LPA: variants seen among roughly 807,000 people sequenced by gnomAD.
LPA encodes apolipoprotein(a).
LPA carries 199 observed loss-of-function variants against 197.9 expected under a neutral mutation model. That is an observed-to-expected ratio of 1.01 (90% CI 0.90 to 1.13). The LOEUF (loss-of-function observed/expected upper bound fraction) is 1.13. LPA is among the 50% of genes most tolerant of loss of function. The pLI is 0.00. For synonymous variants in LPA, 715 were observed against 639.5 expected (o/e 1.12, Z -1.78); for missense variants, 1,853 against 1,785.8 (o/e 1.04, Z -0.68).
Position 160,599,554 on chromosome 6 carries a change from C to A in LPA, c.3233G>T (p.Trp1078Leu), listed in dbSNP as rs1326328864. 1 of 1,613,926 alleles carries A rather than the reference C, an allele frequency of 6.2e-7. No individual in the cohort carries two copies. The highest frequency in any genetic ancestry group is 8.5e-7 in the Non-Finnish European group (1 of 1,179,974). The change falls in exon 20 of 39, where the codon TGG (tryptophan) becomes TTG (leucine). Residue 1078 changes from tryptophan (W) to leucine (L), a missense_variant. Trp to Leu is a moderately conservative substitution (Grantham distance 61). Transcript: ENST00000316300. ...ATGCTGGTGTGGTGTCATAGATGAC[C>A]AAGCTTGGCAAGTTCTTCCTGTGAC... The part of the protein sequence containing the change: ...TTVTGRTCQA[W>L]SSMTPHQHSR...
chr6:160,595,262 G>T (rs1199008338), intron 21 of LPA, 92 bp downstream of exon 21: 1 of 1,483,428 alleles, frequency 6.7e-7, no homozygotes, highest in Non-Finnish European at 9.3e-7. Flanking sequence ...TTGGAATTGT[G>T]TGAGCATGGA....
chr6:160,594,011 C>T lies in LPA; in HGVS notation c.3576G>A (p.Trp1192Ter). ...GATGCCAGTGTGGTGTCATAGAGGA[C>T]CAAGACTGACATGTCCTTCCTGTGA... is the stretch of plus-strand genomic sequence containing the variant. ...TTVTGRTCQS[W>*]SSMTPHWHQR... Residue 1192 changes from tryptophan to a stop codon, truncating the protein, a stop_gained, in exon 22 of 39, where the codon TGG becomes TGA. Coordinates refer to ENST00000316300, the MANE Select transcript of LPA (RefSeq NM_005577.4). LOFTEE classifies it high-confidence loss of function. 6.2e-7 allele frequency: 1 copy of T among 1,613,924 alleles called. No individual in the cohort carries two copies. The highest frequency in any genetic ancestry group is 8.5e-7 in the Non-Finnish European group (1 of 1,179,878).
At chr6:160,569,766 G>T (rs897284063) in intron 28 of LPA, among the ~76,000 whole-genome samples, 2 of 151,928 alleles carry the variant, frequency 1.3e-5, no homozygotes, top group Admixed American at 6.6e-5. Context: ...AATCTACAAA[G>T]AACATAAACA....
chr6:160,556,106 G>A lies in LPA; in HGVS notation c.4892C>T (p.Thr1631Ile). 6.2e-7 allele frequency: 1 copy of A among 1,614,024 alleles called. No homozygotes were observed. Among genetic ancestry groups the A allele is most frequent in the Non-Finnish European group, 8.5e-7 (1 of 1,179,964 alleles). ...GQSYRGTFST[T>I]VTGRTCQSWS... is the part of the protein sequence containing the mutation. ...AGATTGACATGTCCTTCCTGTGACA[G>A]TGGTGGAGAATGTGCCTCGATAACT... The change falls in exon 30 of 39, where the codon ACT becomes ATT. Residue 1631 changes from threonine (T) to isoleucine (I), a missense_variant. Coordinates refer to ENST00000316300, the MANE Select transcript of LPA (RefSeq NM_005577.4).
At chr6:160,593,770 GA>G (rs1583604622) in intron 22 of LPA, among the ~76,000 whole-genome samples, 187 bp downstream of exon 22, 1 of 152,156 alleles carries the variant, frequency 6.6e-6, no homozygotes, top group East Asian at 1.9e-4. Context: ...TCAACTATGA[GA>G]AAAGAGAGCT....
intron 37 of LPA, among the ~76,000 whole-genome samples, chr6:160,534,266 T>G (rs1777851292): frequency 6.6e-6 from 1 of 152,176 alleles, no homozygotes; most frequent in South Asian, 2.1e-4. Context: ...GAAAGTTAAG[T>G]TAGGTGTCAC....
chr6:160,560,765 G>A (rs555537174), intron 28 of LPA, among the ~76,000 whole-genome samples: 1 of 152,128 alleles, frequency 6.6e-6, no homozygotes, highest in East Asian at 1.9e-4. Context: ...TTTTTGCTGT[G>A]CAGAAGCTCT....
chr6:160,543,427 T>G (rs113694357), intron 33 of LPA, among the ~76,000 whole-genome samples: 1 of 152,110 alleles, frequency 6.6e-6, no homozygotes, highest in Admixed American at 6.5e-5. Flanking sequence ...CTATAAATAT[T>G]AATATAGTTA....
At chr6:160,582,248 CTGACCTGATCTTTTCTT>C in intron 26 of LPA, among the ~76,000 whole-genome samples, 1 of 149,732 alleles carries the variant, frequency 6.7e-6, no homozygotes, top group Non-Finnish European at 1.5e-5. Flanking sequence ...TCCATTTTTT[CTGACCTGATCTTTTCTT>C]CTTCTTACTA....
rs116478655 is a variant in LPA at position 160,558,820 on chromosome 6, A to G, written c.4632-1249T>C. Reference sequence around the variant, plus strand: ...CATGCCTCCTAGGAACGTTGACCCAACTTGTCAGAATCCTCAGATTACTAA... The same window carrying G: ...CATGCCTCCTAGGAACGTTGACCCAGCTTGTCAGAATCCTCAGATTACTAA... On this transcript the variant is annotated intron_variant, in intron 28 of 38. Transcript: ENST00000316300. Among the ~76,000 whole-genome samples, 361 of 152,262 alleles carry G rather than the reference A, an allele frequency of 2.4e-3. 1 individual carries two copies. Among genetic ancestry groups the G allele is most frequent in the African/African-American group, 8.2e-3 (340 of 41,562 alleles).
chr6:160,654,044 A>G (rs9456568), intron 1 of LPA, among the ~76,000 whole-genome samples: 1 of 7,472 alleles, frequency 1.3e-4, no homozygotes, highest in African/African-American at 7.3e-4. Context: ...ATTATATATA[A>G]TATATAATAT....
intron 2 of LPA, 85 bp downstream of exon 2, chr6:160,650,252 TC>T (rs1166919948): frequency 3.6e-6 from 5 of 1,373,316 alleles, no homozygotes; most frequent in Non-Finnish European, 5.2e-6. Context: ...AAAAATTTAA[TC>T]ATAAGAAGTT....
At chr6:160,601,302 A>G (rs1779238393) in intron 18 of LPA, among the ~76,000 whole-genome samples, 1 of 152,160 alleles carries the variant, frequency 6.6e-6, no homozygotes, top group African/African-American at 2.4e-5. Context: ...CTTTTTTTAA[A>G]GAAAAAAAAT....
intron 7 of LPA, 70 bp downstream of exon 7, chr6:160,635,053 T>A (rs1779784205): frequency 6.7e-7 from 1 of 1,489,230 alleles, no homozygotes; most frequent in Non-Finnish European, 9.2e-7. Context: ...GGCGGCTGCA[T>A]CAGTGGGAAT....
At chr6:160,546,337 C>T (rs1314774813) in intron 32 of LPA, among the ~76,000 whole-genome samples, 2 of 152,176 alleles carry the variant, frequency 1.3e-5, no homozygotes, top group Admixed American at 6.5e-5. Context: ...GGTTGCTGAA[C>T]ACTTAGGGTA....
At chr6:160,635,652 T>A (rs1384352050) in intron 6 of LPA, among the ~76,000 whole-genome samples, 1 of 123,828 alleles carries the variant, frequency 8.1e-6, no homozygotes, top group African/African-American at 3.4e-5. Flanking sequence ...GTATGGGTTT[T>A]GACGTCTGTA....
intron 28 of LPA, among the ~76,000 whole-genome samples, chr6:160,569,614 A>C (rs1206394929): frequency 2.0e-5 from 3 of 152,184 alleles, no homozygotes; most frequent in Admixed American, 2.0e-4. Flanking sequence ...ATAGCAACAA[A>C]AGCCAAAATT....
At chr6:160,647,022 G>T (rs1335843164) in intron 2 of LPA, among the ~76,000 whole-genome samples, 3 of 152,180 alleles carry the variant, frequency 2.0e-5, no homozygotes, top group Admixed American at 2.0e-4. Context: ...GGTCAAGTAG[G>T]TTTGTTTCTG....
At chr6:160,561,352 A>T (rs1778358579) in intron 28 of LPA, among the ~76,000 whole-genome samples, 1 of 152,070 alleles carries the variant, frequency 6.6e-6, no homozygotes, top group African/African-American at 2.4e-5. Flanking sequence ...ATTTTTGTCC[A>T]GTTTGTCAAA....
Sources: gnomAD v4.1 joint callset for allele counts (sites outside exome capture counted in the v4.1 genomes callset) on GRCh38, gnomAD v4.1.1 for gene constraint, MANE v1.5 for transcripts, NCBI Gene and HGNC (gene_info 2026-07-23, HGNC 2026-07-21) for gene names.